Variants in ANKAR observed in about 807,000 individuals in gnomAD.
The protein encoded by ANKAR is ankyrin and armadillo repeat containing, also known as ankyrin and armadillo repeat-containing protein.
Under a neutral mutation model 146.2 loss-of-function variants are expected in ANKAR, and 136 were observed. The ratio of observed to expected loss-of-function variants is 0.93; its 90% CI spans 0.81 to 1.07. ANKAR has a LOEUF of 1.07. Among genes scored for constraint, ANKAR ranks in the 50% least tolerant of loss-of-function variants. The pLI is 0.00. For missense variants in ANKAR, 1,567 were observed against 1,679.9 expected, an observed-to-expected ratio of 0.93 and a Z score of 1.18; for synonymous variants, 500 against 575.8, an observed-to-expected ratio of 0.87 and a Z score of 1.88.
intron 10 of ANKAR, among the ~76,000 whole-genome samples, chr2:189,716,518 G>A (rs1275846319): frequency 6.6e-6 from 1 of 151,978 alleles, no homozygotes; most frequent in African/African-American, 2.4e-5. Context: ...TACTGCCCAA[G>A]GTAATTTATA....
At chr2:189,758,938 G>C (rs1314346411) in intron 18 of ANKAR, among the ~76,000 whole-genome samples, 1 of 152,208 alleles carries the variant, frequency 6.6e-6, no homozygotes, top group Non-Finnish European at 1.5e-5. Context: ...ATGTTCAAAA[G>C]TTCAGTGCAC....
At position 189,744,754 on chromosome 2, in the gene ANKAR, T is replaced by C; in HGVS notation, c.4023T>C (p.Asn1341=). ...GTTTTCCTTTTAGTCTGGAGAAGAA[T>C]GGAGGACCATCCATAATTCCTATCT... ...VGLPSLSLEK[N]GGPSIIPIFK... The change falls in exon 22 of 23, where the codon AAT becomes AAC. Residue 1341 remains asparagine (N), a synonymous_variant. Coordinates refer to ENST00000684021, the MANE Select transcript of ANKAR (RefSeq NM_001378068.1). The C allele has an allele frequency of 6.3e-7, 1 of 1,596,480 alleles. No individual in the cohort carries two copies. Among genetic ancestry groups the C allele is most frequent in the Non-Finnish European group, 8.6e-7 (1 of 1,166,058 alleles).
At chr2:189,753,884 T>C in intron 18 of ANKAR, 1 of 1,607,048 alleles carries the variant, frequency 6.2e-7, no homozygotes. Context: ...TTGCAAAGTG[T>C]AACTATTACT....
At chr2:189,694,135 T>C (rs2036847425) in intron 5 of ANKAR, among the ~76,000 whole-genome samples, 2 of 151,736 alleles carry the variant, frequency 1.3e-5, no homozygotes, top group Admixed American at 1.3e-4. Context: ...GAGGCTGAGG[T>C]GGGAGGATCA....
chr2:189,728,427 T>C lies in ANKAR; in HGVS notation c.3031+7T>C. Reference sequence around the variant, plus strand: ...GCTAAAATGCAGTATGTTGGTAAGTTATTTTCCTTATTTTATTTTTATTTT... The same window carrying C: ...GCTAAAATGCAGTATGTTGGTAAGTCATTTTCCTTATTTTATTTTTATTTT... On this transcript the variant is annotated splice_region_variant and intron_variant, in intron 14 of 22. Transcript: ENST00000684021. 6.4e-7 allele frequency: 1 copy of C among 1,571,692 alleles called. No homozygotes were observed. Among genetic ancestry groups the C allele is most frequent in the African/African-American group, 1.5e-5 (1 of 65,038 alleles).
intron 12 of ANKAR, among the ~76,000 whole-genome samples, chr2:189,725,999 CAAAT>C (rs1391729639): frequency 6.6e-6 from 1 of 152,046 alleles, no homozygotes; most frequent in Non-Finnish European, 1.5e-5. Flanking sequence ...AACAAGGAAA[CAAAT>C]AAATAGAGAA....
intron 10 of ANKAR, among the ~76,000 whole-genome samples, chr2:189,716,450 A>C (rs1407989674): frequency 1.3e-5 from 2 of 152,182 alleles, no homozygotes; most frequent in Non-Finnish European, 2.9e-5. Flanking sequence ...GGACACAAAC[A>C]AATGGAAGAA....
chr2:189,737,199 A>G (rs919244978), intron 17 of ANKAR, among the ~76,000 whole-genome samples: 2 of 151,976 alleles, frequency 1.3e-5, no homozygotes, highest in African/African-American at 4.8e-5. Flanking sequence ...TTTTAATATT[A>G]AAAATAAGAT....
chr2:189,699,134 T>C (rs1002230876), intron 7 of ANKAR, among the ~76,000 whole-genome samples: 1 of 152,194 alleles, frequency 6.6e-6, no homozygotes, highest in Non-Finnish European at 1.5e-5. Flanking sequence ...GAAATTTTTC[T>C]TGAGGGGTGT....
chr2:189,702,154 TA>T (rs2038163964), intron 7 of ANKAR, among the ~76,000 whole-genome samples: 1 of 152,166 alleles, frequency 6.6e-6, no homozygotes, highest in South Asian at 2.1e-4. Context: ...TAGGGTCTGA[TA>T]AAAGCCCAAT....
Position 189,690,045 on chromosome 2 carries a change from A to G in ANKAR, c.1039+81A>G, listed in dbSNP as rs550667281. On this transcript the variant is annotated intron_variant, in intron 3 of 22. Coordinates refer to ENST00000684021, the MANE Select transcript of ANKAR (RefSeq NM_001378068.1). ...TTAAATGCAATTTTGTTTCTAGTAT[A>G]TGGGTGCAGGCAGTAACCTAGCTAT... 7.9e-5 allele frequency: 82 copies of G among 1,041,566 alleles called. No individual in the cohort carries two copies. The East Asian group carries it at 2.2e-3, about 28-fold the overall frequency. The allele number at this position is 1,041,566 out of a possible 1,614,324, so 64.5% of individuals were successfully genotyped here. A position where few individuals can be genotyped will look rare whatever the true frequency, so the allele number is the denominator to read the frequency against.
At chr2:189,728,526 C>G in intron 14 of ANKAR, 106 bp downstream of exon 14, 1 of 1,465,998 alleles carries the variant, frequency 6.8e-7, no homozygotes, top group South Asian at 1.3e-5. Flanking sequence ...CAGCCTCAAA[C>G]CCCTGGGCTC....
At chr2:189,716,717 A>G (rs1220218126) in intron 10 of ANKAR, among the ~76,000 whole-genome samples, 2 of 152,172 alleles carry the variant, frequency 1.3e-5, no homozygotes, top group Admixed American at 1.3e-4. Flanking sequence ...AACCAAAACA[A>G]CATGGTACTG....
chr2:189,702,046 C>G (rs2038149532), intron 7 of ANKAR, among the ~76,000 whole-genome samples: 2 of 152,134 alleles, frequency 1.3e-5, no homozygotes, highest in African/African-American at 4.8e-5. Flanking sequence ...TCAGTCCTCT[C>G]CCCCTGTCCC....
At chr2:189,727,174 A>ATTT (rs2041966837) in intron 12 of ANKAR, among the ~76,000 whole-genome samples, 1 of 152,222 alleles carries the variant, frequency 6.6e-6, no homozygotes, top group African/African-American at 2.4e-5. Flanking sequence ...TAGAATCACC[A>ATTT]GTACCAAAAA....
intron 10 of ANKAR, among the ~76,000 whole-genome samples, chr2:189,715,366 A>G (rs2040309806): frequency 6.6e-6 from 1 of 152,230 alleles, no homozygotes; most frequent in African/African-American, 2.4e-5. Context: ...CTGGACACAT[A>G]CAACCTCCCA....
At chr2:189,710,306 A>G (rs1194766059) in intron 9 of ANKAR, among the ~76,000 whole-genome samples, 1 of 152,044 alleles carries the variant, frequency 6.6e-6, no homozygotes, top group Non-Finnish European at 1.5e-5. Flanking sequence ...TATCTTTTTT[A>G]TACTCGGGAA....
chr2:189,677,022 A>G lies in ANKAR; in HGVS notation c.532A>G (p.Ile178Val), dbSNP rs548213379. The G allele has an allele frequency of 5.0e-6, 8 of 1,610,762 alleles. No homozygotes were observed. The African/African-American group carries it at 5.4e-5, about 11-fold the overall frequency. ...RARFSELWRA[I>V]MDIDPDGKPQ... is the part of the protein sequence containing the mutation. ...TAGATTCTCTGAATTGTGGCGTGCC[A>G]TCATGGACATTGATCCTGATGGAAA... The change falls in exon 2 of 23, where the codon ATC (isoleucine) becomes GTC (valine). Residue 178 changes from isoleucine to valine, a missense_variant. Transcript: ENST00000684021.
intron 15 of ANKAR, 50 bp from the exon 16 acceptor site, chr2:189,730,445 C>T (rs1368976158): frequency 3.4e-6 from 4 of 1,187,472 alleles, no homozygotes; most frequent in South Asian, 3.0e-5. Flanking sequence ...TTGACTTTAC[C>T]ATTTGTAAGA....
Sources: allele counts gnomAD v4.1 joint callset (sites outside exome capture counted in the v4.1 genomes callset), GRCh38; gene constraint gnomAD v4.1.1; transcripts MANE v1.5; gene names NCBI Gene and HGNC (gene_info 2026-07-23, HGNC 2026-07-21).